Variants in CHSY3 observed in about 807,000 individuals in gnomAD.
The protein encoded by CHSY3 is N-acetylgalactosaminyl-proteoglycan 3-beta-glucuronosyltransferase 3.
In CHSY3, 35 loss-of-function variants were observed where a neutral mutation model predicts 67.2. The ratio of observed to expected loss-of-function variants is 0.52; its 90% confidence interval spans 0.40 to 0.69. The LOEUF is 0.69. Ranked by LOEUF, CHSY3 falls within the 30% of genes least tolerant of loss-of-function variation. The pLI, the probability that CHSY3 is intolerant of heterozygous loss-of-function variation, is 0.00. For synonymous variants in CHSY3, 474 were observed against 434.7 expected (o/e 1.09, Z -1.12); for missense variants, 1,069 against 1,138.5 (o/e 0.94, Z 0.88).
intron 2 of CHSY3, among the ~76,000 whole-genome samples, chr5:129,982,464 A>G (rs1393953503): frequency 6.6e-6 from 1 of 152,042 alleles, no homozygotes; most frequent in African/African-American, 2.4e-5. Flanking sequence ...CCCTTTCATG[A>G]AAGTGGAATA....
At chr5:130,099,961 T>C (rs1481311925) in intron 2 of CHSY3, among the ~76,000 whole-genome samples, 1 of 151,778 alleles carries the variant, frequency 6.6e-6, no homozygotes, top group Non-Finnish European at 1.5e-5. Flanking sequence ...CCTGGGTATC[T>C]TGTCTCCACT....
intron 2 of CHSY3, among the ~76,000 whole-genome samples, chr5:129,991,201 G>A (rs76485364): frequency 0.024 from 3,583 of 152,184 alleles, 125 homozygotes; most frequent in African/African-American, 0.079. Context: ...ATGATCTAGT[G>A]GCAAGGTGGG....
rs113789971 is a variant in CHSY3 at position 129,983,405 on chromosome 5, G to C, written c.1086+75045G>C. Reference sequence around the variant, plus strand: ...ATCCATATTTGTCAACATTCCTTATGGTATAAGCAATCAATGTAATACATT... The same window carrying C: ...ATCCATATTTGTCAACATTCCTTATCGTATAAGCAATCAATGTAATACATT... On this transcript the variant is annotated intron_variant, in intron 2 of 2. Transcript: ENST00000305031. Among the ~76,000 whole-genome samples the C allele has an allele frequency of 4.6e-5, 7 of 151,754 alleles. 1 individual carries two copies. Among genetic ancestry groups the C allele is most frequent in the African/African-American group, 1.7e-4 (7 of 41,420 alleles).
chr5:129,930,382 T>G (rs1761260480), intron 2 of CHSY3, among the ~76,000 whole-genome samples: 1 of 151,400 alleles, frequency 6.6e-6, no homozygotes, highest in African/African-American at 2.4e-5. Flanking sequence ...TAACCATTTT[T>G]CTTGAAGAGT....
At chr5:129,949,740 A>G (rs1761968126) in intron 2 of CHSY3, among the ~76,000 whole-genome samples, 1 of 152,232 alleles carries the variant, frequency 6.6e-6, no homozygotes, top group African/African-American at 2.4e-5. Flanking sequence ...CAAATTTAAT[A>G]GCACTTTACA....
In CHSY3 at chr5:130,068,376, G is replaced by A. The variant is rs552876435; in HGVS notation, c.1087-115853G>A. Reference sequence around the variant, plus strand: ...CCTCTGACTGTACATGATGGTCCACGTGCTCACAGGGTGGGCTGTCTTCAG... The same window carrying A: ...CCTCTGACTGTACATGATGGTCCACATGCTCACAGGGTGGGCTGTCTTCAG... On this transcript the variant is annotated intron_variant, in intron 2 of 2. Transcript: ENST00000305031. Among the ~76,000 whole-genome samples the A allele has an allele frequency of 3.9e-5, 6 of 152,192 alleles. No homozygotes were observed. In the South Asian group the frequency reaches 1.0e-3, roughly 26 times the overall value.
At chr5:130,032,422 C>G (rs966938487) in intron 2 of CHSY3, among the ~76,000 whole-genome samples, 1 of 152,106 alleles carries the variant, frequency 6.6e-6, no homozygotes, top group Non-Finnish European at 1.5e-5. Flanking sequence ...GGCAGAGACA[C>G]ATTATAAAGG....
rs547364720 is a variant in CHSY3, at chr5:129,955,084, G to T, written c.1086+46724G>T. On this transcript the variant is annotated intron_variant, in intron 2 of 2. Transcript: ENST00000305031. ...GGTTTTCACCATGTTGCCCAGGATGGTCTCAGTCTCCTGACCTTGTGATCT... is the reference window on the plus strand; with the variant it reads ...GGTTTTCACCATGTTGCCCAGGATGTTCTCAGTCTCCTGACCTTGTGATCT... Among the ~76,000 whole-genome samples, 37 of 152,190 alleles carry T rather than the reference G, an allele frequency of 2.4e-4. No homozygotes were observed. In the South Asian group the frequency reaches 4.4e-3, roughly 18 times the overall value.
intron 2 of CHSY3, among the ~76,000 whole-genome samples, chr5:130,065,306 G>A (rs1284597187): frequency 6.6e-6 from 1 of 150,864 alleles, no homozygotes; most frequent in African/African-American, 2.4e-5. Context: ...TCTTAACAAT[G>A]TCTGAATATT....
intron 2 of CHSY3, among the ~76,000 whole-genome samples, chr5:130,080,244 A>G (rs991819536): frequency 8.5e-5 from 13 of 152,136 alleles, no homozygotes; most frequent in African/African-American, 3.1e-4. Flanking sequence ...ACACACTTTC[A>G]TTATACCATG....
chr5:130,138,563 G>A (rs1383589345), intron 2 of CHSY3, among the ~76,000 whole-genome samples: 1 of 152,190 alleles, frequency 6.6e-6, no homozygotes, highest in African/African-American at 2.4e-5. Flanking sequence ...CTAAAAGAAT[G>A]GCAGACAGCC....
chr5:130,027,026 C>T (rs965575867), intron 2 of CHSY3, among the ~76,000 whole-genome samples: 7 of 152,090 alleles, frequency 4.6e-5, no homozygotes, highest in Non-Finnish European at 8.8e-5. Context: ...CGCAACCTCA[C>T]GTGACTTGCC....
intron 2 of CHSY3, among the ~76,000 whole-genome samples, chr5:130,143,202 T>G (rs955205679): frequency 2.6e-5 from 4 of 152,186 alleles, no homozygotes; most frequent in African/African-American, 4.8e-5. Context: ...ACTATTTGTT[T>G]CCTTTGATCA....
At chr5:130,073,390 C>T (rs762877870) in intron 2 of CHSY3, among the ~76,000 whole-genome samples, 1 of 151,718 alleles carries the variant, frequency 6.6e-6, no homozygotes, top group African/African-American at 2.4e-5. Context: ...CGGGTTCAAG[C>T]GATTCTCCTG....
intron 2 of CHSY3, among the ~76,000 whole-genome samples, chr5:130,183,629 G>C (rs1242935101): frequency 6.6e-6 from 1 of 151,982 alleles, no homozygotes; most frequent in African/African-American, 2.4e-5. Flanking sequence ...TATAGCTAGA[G>C]GTTCATTTGC....
chr5:130,008,107 G>A (rs1763928214), intron 2 of CHSY3, among the ~76,000 whole-genome samples: 1 of 152,214 alleles, frequency 6.6e-6, no homozygotes, highest in Non-Finnish European at 1.5e-5. Context: ...CCCTGCTGCT[G>A]TACCCCCACT....
chr5:129,924,390 G>A (rs965986993), intron 2 of CHSY3, among the ~76,000 whole-genome samples: 5 of 152,106 alleles, frequency 3.3e-5, no homozygotes, highest in Non-Finnish European at 7.4e-5. Flanking sequence ...GCTCATGCCT[G>A]TAATCCCAGC....
chr5:130,158,316 C>T (rs1189361833), intron 2 of CHSY3, among the ~76,000 whole-genome samples: 1 of 152,110 alleles, frequency 6.6e-6, no homozygotes, highest in East Asian at 1.9e-4. Context: ...AGGAGCATGC[C>T]TTTGAAGCCA....
At chr5:130,078,381 A>G (rs1260583879) in intron 2 of CHSY3, among the ~76,000 whole-genome samples, 3 of 152,134 alleles carry the variant, frequency 2.0e-5, no homozygotes, top group Non-Finnish European at 2.9e-5. Context: ...GTACTTGCCT[A>G]TAGAACTGCC....
Sources: gnomAD v4.1 joint callset for allele counts (sites outside exome capture counted in the v4.1 genomes callset) on GRCh38, gnomAD v4.1.1 for gene constraint, MANE v1.5 for transcripts, NCBI Gene and HGNC (gene_info 2026-07-23, HGNC 2026-07-21) for gene names.